Variants in TPRG1 observed in about 807,000 individuals in gnomAD.
The protein encoded by TPRG1 is tumor protein p63 regulated 1, also known as tumor protein p63-regulated gene 1 protein.
A neutral mutation model predicts 29.3 loss-of-function variants in TPRG1; 29 were observed. The observed-to-expected ratio is 0.99, with a 90% CI of 0.74 to 1.35. TPRG1 has a LOEUF of 1.35. Ranked by LOEUF, TPRG1 falls within the 40% of genes most tolerant of loss-of-function variation. TPRG1 has a pLI of 0.00. For synonymous variants in TPRG1, 130 were observed against 116.8 expected (o/e 1.11, Z -0.73); for missense variants, 327 against 335.0 (o/e 0.98, Z 0.19).
intron 1 of TPRG1, among the ~76,000 whole-genome samples, chr3:189,206,125 C>A (rs1233381196): frequency 8.4e-6 from 1 of 119,530 alleles, no homozygotes; most frequent in Non-Finnish European, 1.8e-5. Context: ...CTCTTTTTTC[C>A]TTCTTCCTTT....
chr3:189,074,659 T>A (rs1028632699), intron 4 of TPRG1, among the ~76,000 whole-genome samples: 2 of 152,212 alleles, frequency 1.3e-5, no homozygotes, highest in Non-Finnish European at 2.9e-5. Context: ...TGTGTTCTTT[T>A]ATTGATCAAC....
chr3:189,214,525 C>T (rs1313554244), intron 2 of TPRG1, among the ~76,000 whole-genome samples: 1 of 152,156 alleles, frequency 6.6e-6, no homozygotes, highest in African/African-American at 2.4e-5. Context: ...GACGTTGGCA[C>T]AACCTTCTCT....
intron 1 of TPRG1, among the ~76,000 whole-genome samples, chr3:189,203,864 A>T (rs1308690966): frequency 6.6e-6 from 1 of 151,824 alleles, no homozygotes; most frequent in Non-Finnish European, 1.5e-5. Context: ...ACATGGTGAA[A>T]CTCTGTCTCT....
At chr3:189,115,241 A>T (rs1311702653) in intron 1 of TPRG1, among the ~76,000 whole-genome samples, 1 of 152,236 alleles carries the variant, frequency 6.6e-6, no homozygotes, top group Non-Finnish European at 1.5e-5. Context: ...TCTCAAATGG[A>T]TCAGAATTTG....
intron 4 of TPRG1, among the ~76,000 whole-genome samples, chr3:189,086,987 A>G (rs956114341): frequency 2.0e-5 from 3 of 152,188 alleles, no homozygotes; most frequent in African/African-American, 7.2e-5. Context: ...GTGTCTTTGT[A>G]GCAGCATGAT....
chr3:189,057,400 A>G (rs967735619), intron 4 of TPRG1, among the ~76,000 whole-genome samples: 1 of 151,880 alleles, frequency 6.6e-6, no homozygotes, highest in African/African-American at 2.4e-5. Context: ...CTGCAATTTT[A>G]TTTTGTCTAG....
intron 3 of TPRG1, among the ~76,000 whole-genome samples, chr3:189,014,303 AT>A (rs1011598792): frequency 4.6e-5 from 7 of 151,838 alleles, no homozygotes; most frequent in African/African-American, 1.5e-4. Flanking sequence ...CTTGGTTGAT[AT>A]TTTTTTCCTT....
chr3:189,062,911 C>A lies in TPRG1; in HGVS notation c.-463+38965C>A, dbSNP rs180891465. Among the ~76,000 whole-genome samples, 52 of 151,894 alleles carry A rather than the reference C, an allele frequency of 3.4e-4. No individual in the cohort carries two copies. The East Asian group carries it at 9.8e-3, about 29-fold the overall frequency. On this transcript the variant is annotated intron_variant, in intron 4 of 10. Coordinates refer to the TPRG1 transcript ENST00000433971. ...ACAATAAAATACTAGGCTTCAGTAC[C>A]AACATATCAAAAATTATCTTAAATA...
chr3:189,295,640 T>C (rs576713399), intron 4 of TPRG1, among the ~76,000 whole-genome samples: 3 of 151,832 alleles, frequency 2.0e-5, no homozygotes, highest in East Asian at 2.0e-4. Flanking sequence ...GAAAGCTTCA[T>C]TGATATCCCA....
In TPRG1 at chr3:189,022,952, G is replaced by A. The variant is rs1379757206; in HGVS notation, c.-659-798G>A. ...TGGTGCGCAGTTTTTTAAGCCCGTC[G>A]GAAAAGCGCAGTATTCGGGTGGGAG... On this transcript the variant is annotated intron_variant, in intron 3 of 10. Transcript: ENST00000433971. Among the ~76,000 whole-genome samples the A allele has an allele frequency of 3.3e-5, 5 of 152,326 alleles. No homozygotes were observed. In the East Asian group the frequency reaches 9.6e-4, roughly 29 times the overall value.
intron 4 of TPRG1, among the ~76,000 whole-genome samples, chr3:189,083,113 G>T (rs1205157552): frequency 1.3e-5 from 2 of 152,138 alleles, no homozygotes; most frequent in African/African-American, 4.8e-5. Flanking sequence ...AAGCTGGCAG[G>T]CCTGTTTAAA....
chr3:189,198,434 A>G (rs1303529543), intron 1 of TPRG1, among the ~76,000 whole-genome samples: 1 of 152,142 alleles, frequency 6.6e-6, no homozygotes, highest in Non-Finnish European at 1.5e-5. Flanking sequence ...TAGATTAAAG[A>G]CTGTGGTATG....
At chr3:189,076,040 G>T (rs892527372) in intron 4 of TPRG1, among the ~76,000 whole-genome samples, 1 of 151,996 alleles carries the variant, frequency 6.6e-6, no homozygotes, top group Non-Finnish European at 1.5e-5. Context: ...TTCAGGTGAG[G>T]ATATTAAAAT....
At chr3:189,160,069 G>A (rs1431923848) in intron 5 of TPRG1, among the ~76,000 whole-genome samples, 14 of 152,086 alleles carry the variant, frequency 9.2e-5, no homozygotes, top group Non-Finnish European at 1.8e-4. Context: ...GGGGTCAACC[G>A]AATGCTAAAG....
intron 4 of TPRG1, among the ~76,000 whole-genome samples, chr3:189,276,925 C>T (rs748955685): frequency 1.6e-4 from 24 of 151,906 alleles, no homozygotes; most frequent in African/African-American, 5.6e-4. Flanking sequence ...TACTGGACAA[C>T]GTATATATTT....
chr3:189,319,535 C>G lies in TPRG1; in HGVS notation c.634-1091C>G, dbSNP rs954756525. ...TTCTTTGGCTTGAACCCCCTGCCCC[C>G]CAAATCCCTAATTTAACCAGTTCCG... is the stretch of plus-strand genomic sequence containing the variant. On this transcript the variant is annotated intron_variant, in intron 5 of 5. Transcript: ENST00000345063. 4.6e-5 allele frequency among the ~76,000 whole-genome samples: 7 copies of G among 151,970 alleles called. No homozygotes were observed. The South Asian group carries it at 8.3e-4, about 18-fold the overall frequency.
intron 4 of TPRG1, among the ~76,000 whole-genome samples, chr3:189,242,677 AT>A (rs1237469295): frequency 6.6e-6 from 1 of 151,980 alleles, no homozygotes; most frequent in Non-Finnish European, 1.5e-5. Context: ...TTTTTAAAAG[AT>A]TTTTTATATG....
intron 4 of TPRG1, among the ~76,000 whole-genome samples, chr3:189,046,206 TAGGTCAATG>T (rs1214079958): frequency 6.6e-6 from 1 of 152,222 alleles, no homozygotes; most frequent in Non-Finnish European, 1.5e-5. Context: ...ACTGACTGTG[TAGGTCAATG>T]ACAGCAGGAT....
chr3:189,043,188 A>T (rs1354162143), intron 4 of TPRG1, among the ~76,000 whole-genome samples: 1 of 152,262 alleles, frequency 6.6e-6, no homozygotes, highest in Non-Finnish European at 1.5e-5. Flanking sequence ...ATGAATCTAA[A>T]CCACAAAATA....
Sources: allele counts gnomAD v4.1 joint callset (sites outside exome capture counted in the v4.1 genomes callset), GRCh38; gene constraint gnomAD v4.1.1; transcripts MANE v1.5; gene names NCBI Gene and HGNC (gene_info 2026-07-23, HGNC 2026-07-21).